The following STX18 variants were observed in gnomAD, a reference collection of about 807,000 sequenced individuals.
STX18 encodes the protein syntaxin 18.
In STX18, 40 loss-of-function variants were observed where a neutral mutation model predicts 50.1. The ratio of observed to expected loss-of-function variants is 0.80; its 90% confidence interval spans 0.62 to 1.04. The LOEUF is 1.04. STX18 is among the 50% of genes least tolerant of loss of function. The pLI, the probability that STX18 is intolerant of heterozygous loss-of-function variation, is 0.00. For missense variants in STX18, 410 were observed against 415.8 expected (o/e 0.99, Z 0.12); for synonymous variants, 158 against 151.8 (o/e 1.04, Z -0.30).
At chr4:4,488,466 A>G (rs1299604162) in intron 1 of STX18, among the ~76,000 whole-genome samples, 2 of 152,176 alleles carry the variant, frequency 1.3e-5, no homozygotes, top group African/African-American at 4.8e-5. Flanking sequence ...AGCGCTACTT[A>G]AAAATATGTG....
chr4:4,464,142 G>T (rs753423493), intron 2 of STX18, among the ~76,000 whole-genome samples: 13 of 152,102 alleles, frequency 8.5e-5, no homozygotes, highest in Non-Finnish European at 1.8e-4. Flanking sequence ...TGCTCCTAAT[G>T]ATGTTATCTT....
intron 2 of STX18, among the ~76,000 whole-genome samples, chr4:4,461,535 C>T (rs142666026): frequency 2.0e-5 from 3 of 152,188 alleles, no homozygotes; most frequent in Non-Finnish European, 2.9e-5. Flanking sequence ...CCTCATAGGT[C>T]TGAAGGCAGT....
intron 1 of STX18, among the ~76,000 whole-genome samples, chr4:4,482,276 C>G (rs916627742): frequency 1.3e-5 from 2 of 152,174 alleles, no homozygotes; most frequent in Non-Finnish European, 2.9e-5. Context: ...ATTGTCCACC[C>G]AGCCGCTGCC....
intron 2 of STX18, among the ~76,000 whole-genome samples, chr4:4,462,758 C>T (rs969652754): frequency 2.2e-4 from 33 of 152,068 alleles, no homozygotes; most frequent in African/African-American, 8.0e-4. Flanking sequence ...AAGAATGCCT[C>T]GGGGACAACA....
rs1729767575 is a variant in STX18 at position 4,507,446 on chromosome 4, A to C, written c.168+34351T>G. 3 of 760,426 alleles carry C rather than the reference A, an allele frequency of 3.9e-6. No individual in the cohort carries two copies. The Admixed American group carries it at 5.1e-5, about 13-fold the overall frequency. 47.1% of individuals were successfully genotyped at this position (760,426 alleles called of 1,614,324 possible). A position where few individuals can be genotyped will look rare whatever the true frequency, so the allele number is the denominator to read the frequency against. ...AAAATCCAAGTCCGGCTAGTATGCGAACTGGAGAAAAAGTTCAGTGGAAAG... is the reference window on the plus strand; with the variant it reads ...AAAATCCAAGTCCGGCTAGTATGCGCACTGGAGAAAAAGTTCAGTGGAAAG... On this transcript the variant is annotated intron_variant, in intron 1 of 10. Coordinates refer to ENST00000306200, the MANE Select transcript of STX18 (RefSeq NM_016930.4).
intron 2 of STX18, among the ~76,000 whole-genome samples, chr4:4,470,735 C>T (rs1433542134): frequency 6.6e-6 from 1 of 152,136 alleles, no homozygotes; most frequent in Non-Finnish European, 1.5e-5. Flanking sequence ...GGAGGAACAG[C>T]ATAGGCCTGG....
At chr4:4,430,312 C>T (rs1725457488) in intron 7 of STX18, among the ~76,000 whole-genome samples, 1 of 152,288 alleles carries the variant, frequency 6.6e-6, no homozygotes, top group South Asian at 2.1e-4. Context: ...CAATTTAAAA[C>T]CAACAGTGTT....
intron 5 of STX18, among the ~76,000 whole-genome samples, chr4:4,449,866 T>A (rs1726657562): frequency 6.6e-6 from 1 of 152,266 alleles, no homozygotes; most frequent in Non-Finnish European, 1.5e-5. Flanking sequence ...TTTATTTTTA[T>A]GCTTAAGTTA....
chr4:4,486,592 T>C (rs1190102626), intron 1 of STX18, among the ~76,000 whole-genome samples: 3 of 152,200 alleles, frequency 2.0e-5, no homozygotes, highest in East Asian at 3.8e-4. Context: ...ACCCCTAGGA[T>C]TCCTCTTTTA....
At chr4:4,487,439 T>C (rs548936613) in intron 1 of STX18, among the ~76,000 whole-genome samples, 2 of 152,322 alleles carry the variant, frequency 1.3e-5, no homozygotes, top group South Asian at 2.1e-4. Context: ...GACTATCTCA[T>C]TGAATCCTCA....
At chr4:4,525,810 T>C (rs1560210041) in intron 1 of STX18, among the ~76,000 whole-genome samples, 1 of 152,256 alleles carries the variant, frequency 6.6e-6, no homozygotes, top group East Asian at 1.9e-4. Flanking sequence ...GCAAGGGATG[T>C]CACAAGCCAT....
chr4:4,439,949 C>T (rs1475661232), intron 5 of STX18, among the ~76,000 whole-genome samples: 2 of 152,208 alleles, frequency 1.3e-5, no homozygotes, highest in Non-Finnish European at 2.9e-5. Flanking sequence ...TATAATCCCC[C>T]TGTTTATTTA....
In STX18 at chr4:4,444,683, G is replaced by T. The variant is rs1392792694; in HGVS notation, c.498-6174C>A. Among the ~76,000 whole-genome samples the T allele has an allele frequency of 2.6e-5, 4 of 152,154 alleles. No individual in the cohort carries two copies. In the East Asian group the frequency reaches 7.7e-4, roughly 29 times the overall value. On this transcript the variant is annotated intron_variant, in intron 5 of 10. Transcript: ENST00000306200. ...ATATACTGTAACTATGAGTATAATA[G>T]TGTTTCTGAGTTCCATGAGTTCTTC...
chr4:4,517,778 CTTTAT>C (rs576644025), intron 1 of STX18, among the ~76,000 whole-genome samples: 8 of 147,720 alleles, frequency 5.4e-5, no homozygotes, highest in African/African-American at 2.0e-4. Flanking sequence ...TTTTTTTTTT[CTTTAT>C]TTTTTTTTTT....
At chr4:4,427,553 T>C (rs1211909193) in intron 7 of STX18, among the ~76,000 whole-genome samples, 1 of 152,250 alleles carries the variant, frequency 6.6e-6, no homozygotes, top group African/African-American at 2.4e-5. Flanking sequence ...TTTTCTTGAA[T>C]TTTTCTAATG....
intron 1 of STX18, among the ~76,000 whole-genome samples, chr4:4,522,583 G>A (rs976235818): frequency 4.7e-4 from 72 of 152,304 alleles, no homozygotes; most frequent in African/African-American, 1.7e-3. Flanking sequence ...GAAACTGACC[G>A]AAATGTGGAG....
intron 2 of STX18, among the ~76,000 whole-genome samples, chr4:4,469,299 C>CA (rs1577350603): frequency 6.6e-6 from 1 of 152,078 alleles, no homozygotes; most frequent in Non-Finnish European, 1.5e-5. Flanking sequence ...AAAAACAAAA[C>CA]AAAAAATATG....
intron 2 of STX18, among the ~76,000 whole-genome samples, chr4:4,469,751 T>C (rs1013861123): frequency 6.6e-6 from 1 of 152,096 alleles, no homozygotes; most frequent in African/African-American, 2.4e-5. Flanking sequence ...TCGTCTGGCT[T>C]TTTTCTTCCC....
intron 1 of STX18, among the ~76,000 whole-genome samples, chr4:4,487,500 C>A (rs1416273654): frequency 6.6e-6 from 1 of 152,178 alleles, no homozygotes; most frequent in Admixed American, 6.5e-5. Context: ...ACACACCTGG[C>A]AAGTTGAAAA....
Sources: allele counts gnomAD v4.1 joint callset (sites outside exome capture counted in the v4.1 genomes callset), GRCh38; gene constraint gnomAD v4.1.1; transcripts MANE v1.5; gene names NCBI Gene and HGNC (gene_info 2026-07-23, HGNC 2026-07-21).